The following ZNF462 variants were observed in gnomAD, a reference collection of about 807,000 sequenced individuals.
ZNF462 encodes zinc finger PBX1-interacting protein.
A neutral mutation model predicts 201.9 loss-of-function variants in ZNF462; 10 were observed. The ratio of observed to expected loss-of-function variants is 0.05; its 90% CI spans 0.03 to 0.08. The LOEUF is 0.08. Ranked by LOEUF, ZNF462 falls within the 10% of genes least tolerant of loss-of-function variation. ZNF462 has a pLI of 1.00. For synonymous variants in ZNF462, 1,227 were observed against 1,193.3 expected, an observed-to-expected ratio of 1.03 and a Z score of -0.58; for missense variants, 2,523 against 3,168.3, an observed-to-expected ratio of 0.80 and a Z score of 4.89.
rs1832099566 is a variant in ZNF462 at position 106,966,916 on chromosome 9, C to CT, written c.6428-5086dup. Reference sequence around the variant, plus strand: ...GCTGGCACCAAGGTACTTCTGTTCCCTTTCACCTTCACTCATATTCTCTAT... The same window carrying CT: ...GCTGGCACCAAGGTACTTCTGTTCCCTTTTCACCTTCACTCATATTCTCTAT... On this transcript the variant is annotated intron_variant, in intron 7 of 12. Transcript: ENST00000277225. This position sits in a 1 kb window ranked among gnomAD's most constrained non-coding sequence, Gnocchi z 4.4. Among the ~76,000 whole-genome samples the CT allele has an allele frequency of 6.6e-6, 1 of 152,068 alleles. No homozygotes were observed. Among genetic ancestry groups the CT allele is most frequent in the Admixed American group, 6.6e-5 (1 of 15,246 alleles).
intron 11 of ZNF462, among the ~76,000 whole-genome samples, chr9:107,007,290 G>A (rs899917244): frequency 6.6e-6 from 1 of 152,166 alleles, no homozygotes; most frequent in South Asian, 2.1e-4. Flanking sequence ...AAAACATGGT[G>A]GTTGAGATGT....
In ZNF462 at chr9:106,972,928, C is replaced by T. The variant is rs183618227; in HGVS notation, c.6695+656C>T. Among the ~76,000 whole-genome samples the T allele has an allele frequency of 1.9e-4, 29 of 152,222 alleles. No homozygotes were observed. Among genetic ancestry groups the T allele is most frequent in the African/African-American group, 4.8e-4 (20 of 41,540 alleles). On this transcript the variant is annotated intron_variant, in intron 8 of 12. Transcript: ENST00000277225. The surrounding 1 kb of genome is among the most constrained non-coding windows in gnomAD (Gnocchi z 4.8). ...ATTTGAATCTCATCCTGTGAGATAG[C>T]GTTTAGGTTAGTGGTTACAAGTGTA...
chr9:106,974,513 C>T lies in ZNF462; in HGVS notation c.6832+240C>T, dbSNP rs559828170. On this transcript the variant is annotated intron_variant, in intron 9 of 12. Transcript: ENST00000277225. This position sits in a 1 kb window ranked among gnomAD's most constrained non-coding sequence, Gnocchi z 4.0. Reference sequence around the variant, plus strand: ...TGATGGATTCTGCAGTGAACATTTCCGTAGGGCTTCCCAGCATGGGGGATT... The same window carrying T: ...TGATGGATTCTGCAGTGAACATTTCTGTAGGGCTTCCCAGCATGGGGGATT... The T allele has an allele frequency of 1.6e-4, 91 of 571,824 alleles. No individual in the cohort carries two copies. The highest frequency in any genetic ancestry group is 2.1e-4 in the Non-Finnish European group (68 of 319,242). The allele number at this position is 571,824 out of a possible 1,614,324, so 35.4% of individuals were successfully genotyped here. A position where few individuals can be genotyped will look rare whatever the true frequency, so the allele number is the denominator to read the frequency against.
At chr9:106,896,803 A>G (rs1828832125) in intron 1 of ZNF462, among the ~76,000 whole-genome samples, 1 of 152,218 alleles carries the variant, frequency 6.6e-6, no homozygotes, top group African/African-American at 2.4e-5. Context: ...ATCACAAGGC[A>G]TTGACATTTG....
At chr9:106,875,006 G>C (rs1229121194) in intron 1 of ZNF462, among the ~76,000 whole-genome samples, 3 of 152,182 alleles carry the variant, frequency 2.0e-5, no homozygotes, top group Non-Finnish European at 4.4e-5. Context: ...TTGCCCAATT[G>C]CTGCTTCATG....
At chr9:106,863,007 GAC>G, upstream of ZNF462, 1 of 396,804 alleles carries the variant, frequency 2.5e-6, no homozygotes, top group Non-Finnish European at 4.4e-6. Flanking sequence ...TTCAGAGAGA[GAC>G]ACAGAGGGAG....
At position 106,895,612 on chromosome 9, in the gene ZNF462, TG is replaced by T. The variant is rs1828777756; in HGVS notation, c.-30-27741del. Among the ~76,000 whole-genome samples, 1 of 152,218 alleles carries T rather than the reference TG, an allele frequency of 6.6e-6. No homozygotes were observed. The highest frequency in any genetic ancestry group is 2.1e-4 in the South Asian group (1 of 4,832). On this transcript the variant is annotated intron_variant, in intron 1 of 12. Coordinates refer to ENST00000277225, the MANE Select transcript of ZNF462 (RefSeq NM_021224.6). The surrounding 1 kb of genome is among the most constrained non-coding windows in gnomAD (Gnocchi z 4.4). ...GGGAGGGAGGGAAGGCTCTGACATT[TG>T]AAACTGGATAGATCTTACGTTATTT...
intron 7 of ZNF462, among the ~76,000 whole-genome samples, chr9:106,969,833 T>C (rs923033916): frequency 1.1e-4 from 17 of 152,212 alleles, no homozygotes; most frequent in Admixed American, 7.9e-4. Context: ...ATTTCTATTC[T>C]GCAGAGCTAA....
At chr9:106,910,998 C>G (rs1487671235) in intron 1 of ZNF462, among the ~76,000 whole-genome samples, 4 of 152,042 alleles carry the variant, frequency 2.6e-5, no homozygotes, top group Non-Finnish European at 4.4e-5. Flanking sequence ...GAGGATTTAC[C>G]CAACTCTTAG....
chr9:106,877,909 T>A (rs912052745), intron 1 of ZNF462, among the ~76,000 whole-genome samples: 2 of 152,026 alleles, frequency 1.3e-5, no homozygotes, highest in African/African-American at 2.4e-5. Context: ...ATGCCCTCAA[T>A]ACAGTAAGAA....
chr9:106,878,617 C>G (rs576020540), intron 1 of ZNF462, among the ~76,000 whole-genome samples: 2 of 152,190 alleles, frequency 1.3e-5, no homozygotes, highest in East Asian at 3.9e-4. Context: ...GTGTTAGGCT[C>G]TTTGTTTTGG....
chr9:106,948,820 AT>A (rs1338979943), intron 7 of ZNF462, among the ~76,000 whole-genome samples: 1 of 151,948 alleles, frequency 6.6e-6, no homozygotes, highest in East Asian at 1.9e-4. Flanking sequence ...AATAATAAAT[AT>A]TGAGTACTTA....
Position 106,901,276 on chromosome 9 carries a change from G to A in ZNF462, c.-30-22078G>A, listed in dbSNP as rs574571758. 8.8e-4 allele frequency among the ~76,000 whole-genome samples: 134 copies of A among 152,198 alleles called. 1 individual carries two copies. Among genetic ancestry groups the A allele is most frequent in the Admixed American group, 2.3e-3 (35 of 15,288 alleles). On this transcript the variant is annotated intron_variant, in intron 1 of 12. Coordinates refer to ENST00000277225, the MANE Select transcript of ZNF462 (RefSeq NM_021224.6). ...TCTCTATTCTCTTCCACTGGTATAC[G>A]TGCCTATTTTTATACCAGTACCATG...
chr9:106,983,859 T>C (rs911678708), intron 9 of ZNF462, among the ~76,000 whole-genome samples: 7 of 152,148 alleles, frequency 4.6e-5, no homozygotes, highest in Non-Finnish European at 2.9e-5. Context: ...TTGGTAAAAA[T>C]TGCAGCTACT....
intron 1 of ZNF462, among the ~76,000 whole-genome samples, chr9:106,889,209 C>T (rs1828463007): frequency 1.3e-5 from 2 of 152,144 alleles, no homozygotes; most frequent in South Asian, 2.1e-4. Context: ...TAAGTATGTC[C>T]ACTCCCTATG....
chr9:106,909,420 T>A (rs1829449196), intron 1 of ZNF462, among the ~76,000 whole-genome samples: 1 of 152,180 alleles, frequency 6.6e-6, no homozygotes, highest in Non-Finnish European at 1.5e-5. Context: ...TTATTCAATT[T>A]TAGTTCTAAA....
chr9:106,951,128 A>G (rs1831328182), intron 7 of ZNF462, among the ~76,000 whole-genome samples: 2 of 152,138 alleles, frequency 1.3e-5, no homozygotes, highest in Non-Finnish European at 2.9e-5. Context: ...TAAGTAAAAT[A>G]TTGATAAGAT....
chr9:106,884,058 A>G (rs552301827), intron 1 of ZNF462, among the ~76,000 whole-genome samples: 17 of 152,364 alleles, frequency 1.1e-4, no homozygotes, highest in African/African-American at 4.1e-4. Flanking sequence ...CTAAATCACC[A>G]TAAACTTGTG....
In ZNF462 at chr9:106,928,661, G is replaced by C; in HGVS notation, c.4749G>C (p.Pro1583=). Residue 1583 remains proline (P), a synonymous_variant, in exon 3 of 13, where the codon CCG becomes CCC. Coordinates refer to ENST00000277225, the MANE Select transcript of ZNF462 (RefSeq NM_021224.6). This position sits in a 1 kb window ranked among gnomAD's most constrained non-coding sequence, Gnocchi z 9.3. The part of the protein sequence containing the change: ...GYGAYRCKLC[P]YTHGTLEKLK... ...GCGCCTACCGGTGCAAACTGTGTCCGTACACACACGGCACTTTGGAGAAAC... is the reference window on the plus strand; with the variant it reads ...GCGCCTACCGGTGCAAACTGTGTCCCTACACACACGGCACTTTGGAGAAAC... 2 of 1,614,114 alleles carry C rather than the reference G, an allele frequency of 1.2e-6. No homozygotes were observed. Among genetic ancestry groups the C allele is most frequent in the Non-Finnish European group, 1.7e-6 (2 of 1,180,042 alleles).
Sources: allele counts gnomAD v4.1 joint callset (sites outside exome capture counted in the v4.1 genomes callset), GRCh38; gene constraint gnomAD v4.1.1; non-coding constraint Gnocchi (gnomAD v3.1); transcripts MANE v1.5; gene names NCBI Gene and HGNC (gene_info 2026-07-23, HGNC 2026-07-21).